Variants in SHROOM4 observed in about 807,000 individuals in gnomAD.
SHROOM4 encodes protein Shroom4.
Under a neutral mutation model 80.3 loss-of-function variants are expected in SHROOM4, and 17 were observed. The observed-to-expected ratio is 0.21, with a 90% CI of 0.14 to 0.32. The LOEUF is 0.32. Among genes scored for constraint, SHROOM4 ranks in the 10% least tolerant of loss-of-function variants. SHROOM4 has a pLI of 1.00. For synonymous variants in SHROOM4, 400 were observed against 437.5 expected, an observed-to-expected ratio of 0.91 and a Z score of 1.07; for missense variants, 993 against 1,140.3, an observed-to-expected ratio of 0.87 and a Z score of 1.86.
intron 1 of SHROOM4, among the ~76,000 whole-genome samples, chrX:50,702,513 T>C (rs1933544425): frequency 8.9e-6 from 1 of 112,052 alleles, no homozygotes; most frequent in African/African-American, 3.2e-5. Flanking sequence ...AAAATGAATG[T>C]CTAAAAGATT....
chrX:50,798,415 T>C (rs781845130), intron 1 of SHROOM4, among the ~76,000 whole-genome samples: 24 of 112,252 alleles, frequency 2.1e-4, no homozygotes, highest in African/African-American at 7.4e-4. Flanking sequence ...AGTTGTAAAC[T>C]GACTGATCTG....
At chrX:50,808,973 C>T (rs1936280481) in intron 1 of SHROOM4, among the ~76,000 whole-genome samples, 1 of 110,979 alleles carries the variant, frequency 9.0e-6, no homozygotes, top group African/African-American at 3.3e-5. Flanking sequence ...CCATACCACC[C>T]ACCCTTCTTG....
rs139655970 is a variant in SHROOM4, at chrX:50,725,264, C to G, written c.118-29327G>C. On this transcript the variant is annotated intron_variant, in intron 1 of 8. Coordinates refer to ENST00000376020, the MANE Select transcript of SHROOM4 (RefSeq NM_020717.5). ...AGGCCCTTGTTATGAAAATGCTGCT[C>G]TAGGAAGCTGCAGCTAAGTGGACTG... Among the ~76,000 whole-genome samples the G allele has an allele frequency of 8.0e-3, 895 of 112,123 alleles. 7 individuals carry two copies. The highest frequency in any genetic ancestry group is 0.013 in the Non-Finnish European group (718 of 53,206).
intron 2 of SHROOM4, among the ~76,000 whole-genome samples, chrX:50,664,120 A>G (rs782223998): frequency 8.9e-6 from 1 of 112,020 alleles, no homozygotes; most frequent in South Asian, 3.7e-4. Context: ...TACCTATTTA[A>G]TTCTTACCAG....
chrX:50,697,578 CT>C (rs59643993), intron 1 of SHROOM4, among the ~76,000 whole-genome samples: 6,007 of 111,389 alleles, frequency 0.054, 433 homozygotes, highest in African/African-American at 0.19. Context: ...GCTAATCCAA[CT>C]TTTTTTTAAA....
At chrX:50,601,605 A>G (rs1929411771) in intron 7 of SHROOM4, among the ~76,000 whole-genome samples, 2 of 112,250 alleles carry the variant, frequency 1.8e-5, no homozygotes, top group South Asian at 7.5e-4. Context: ...ACAATAGGTA[A>G]GTGCAGGGAG....
chrX:50,682,793 T>C (rs141457939), intron 2 of SHROOM4, among the ~76,000 whole-genome samples: 1,388 of 111,910 alleles, frequency 0.012, 25 homozygotes, highest in African/African-American at 0.043. Flanking sequence ...ATGTGATGGT[T>C]AATACTGAGT....
chrX:50,652,204 G>A lies in SHROOM4; in HGVS notation c.270-13896C>T, dbSNP rs138540926. ...ACTAATTTACATTCCCACCAACAGC[G>A]TAAAAGCATTCCTATTTCTCCAAAT... On this transcript the variant is annotated intron_variant, in intron 2 of 8. Coordinates refer to ENST00000376020, the MANE Select transcript of SHROOM4 (RefSeq NM_020717.5). Among the ~76,000 whole-genome samples the A allele has an allele frequency of 9.3e-3, 1,040 of 111,850 alleles. 12 individuals are homozygous for A. Among genetic ancestry groups the A allele is most frequent in the African/African-American group, 0.032 (973 of 30,774 alleles).
At chrX:50,770,454 A>G (rs1237577682) in intron 1 of SHROOM4, among the ~76,000 whole-genome samples, 1 of 112,215 alleles carries the variant, frequency 8.9e-6, no homozygotes, top group African/African-American at 3.2e-5. Flanking sequence ...GCATACATAC[A>G]CAGTCAGCAG....
At chrX:50,626,659 A>C (rs113246304) in intron 5 of SHROOM4, among the ~76,000 whole-genome samples, 4,987 of 111,548 alleles carry the variant, frequency 0.045, 261 homozygotes, top group African/African-American at 0.15. Flanking sequence ...CAATTGCGCA[A>C]TCAAGTTTTG....
chrX:50,629,197 C>A (rs1199686411), intron 4 of SHROOM4, among the ~76,000 whole-genome samples: 2 of 111,343 alleles, frequency 1.8e-5, no homozygotes, highest in East Asian at 5.7e-4. Flanking sequence ...CCCTTTGAAT[C>A]AAAGAGGCAG....
At chrX:50,677,466 CAT>C (rs1314655091) in intron 2 of SHROOM4, among the ~76,000 whole-genome samples, 1 of 110,848 alleles carries the variant, frequency 9.0e-6, no homozygotes, top group Non-Finnish European at 1.9e-5. Flanking sequence ...TGTGGTAAAA[CAT>C]AAAGTTTGAT....
At chrX:50,813,814 G>T in intron 1 of SHROOM4, 88 bp downstream of exon 1, 1 of 712,999 alleles carries the variant, frequency 1.4e-6, no homozygotes, top group Non-Finnish European at 2.2e-6. Context: ...TTCAAAGTTG[G>T]CCTGAGGGCC....
At chrX:50,803,258 T>A (rs1459665651) in intron 1 of SHROOM4, among the ~76,000 whole-genome samples, 1 of 112,766 alleles carries the variant, frequency 8.9e-6, no homozygotes, top group Non-Finnish European at 1.9e-5. Flanking sequence ...CACTATAAAG[T>A]ATTTGTTAGA....
intron 2 of SHROOM4, among the ~76,000 whole-genome samples, chrX:50,663,582 T>G (rs181825536): frequency 2.7e-5 from 3 of 110,383 alleles, no homozygotes; most frequent in Non-Finnish European, 5.7e-5. Context: ...TTTCTGGGCC[T>G]TCTATAGATT....
chrX:50,651,881 C>T (rs1219316950), intron 2 of SHROOM4, among the ~76,000 whole-genome samples: 1 of 111,214 alleles, frequency 9.0e-6, no homozygotes, highest in Admixed American at 9.6e-5. Context: ...TGGTTTCCAG[C>T]TTCATCCATG....
chrX:50,694,178 G>A (rs1557262827), intron 2 of SHROOM4, among the ~76,000 whole-genome samples: 2 of 111,280 alleles, frequency 1.8e-5, no homozygotes, highest in South Asian at 3.8e-4. Flanking sequence ...ACATGGGGGT[G>A]CAGATATCTC....
intron 1 of SHROOM4, among the ~76,000 whole-genome samples, chrX:50,766,120 C>T (rs535457385): frequency 1.8e-5 from 2 of 111,439 alleles, no homozygotes; most frequent in African/African-American, 6.5e-5. Context: ...TTTCTGCCAT[C>T]TGAACCATCT....
At chrX:50,771,637 A>G (rs1469388946) in intron 1 of SHROOM4, among the ~76,000 whole-genome samples, 2 of 112,435 alleles carry the variant, frequency 1.8e-5, no homozygotes, top group East Asian at 5.6e-4. Context: ...GACAGTTTAC[A>G]CAGCATCCTC....
Sources: gnomAD v4.1 joint callset for allele counts (sites outside exome capture counted in the v4.1 genomes callset) on GRCh38, gnomAD v4.1.1 for gene constraint, MANE v1.5 for transcripts, NCBI Gene and HGNC (gene_info 2026-07-23, HGNC 2026-07-21) for gene names.